GDAP2: variants seen among roughly 807,000 people sequenced by gnomAD.
GDAP2 encodes ganglioside-induced differentiation-associated protein 2.
GDAP2 carries 51 observed loss-of-function variants against 67.0 expected under a neutral mutation model. That is an observed-to-expected ratio of 0.76 (90% confidence interval 0.61 to 0.96). The LOEUF (loss-of-function observed/expected upper bound fraction) is 0.96, where lower values mean the gene tolerates loss of function less well. Ranked by LOEUF, GDAP2 falls within the 40% of genes least tolerant of loss-of-function variation. The pLI, the probability that GDAP2 is intolerant of heterozygous loss-of-function variation, is 0.00. For missense variants in GDAP2, 547 were observed against 588.3 expected, an observed-to-expected ratio of 0.93 and a Z score of 0.73; for synonymous variants, 203 against 207.3, an observed-to-expected ratio of 0.98 and a Z score of 0.18.
chr1:117,925,567 T>C (rs1234240392), intron 1 of GDAP2, among the ~76,000 whole-genome samples: 3 of 152,188 alleles, frequency 2.0e-5, no homozygotes, highest in East Asian at 1.9e-4. Flanking sequence ...ATCATACTGG[T>C]ACAATTTTGA....
intron 6 of GDAP2, among the ~76,000 whole-genome samples, chr1:117,902,870 CA>C (rs1649529023): frequency 6.6e-6 from 1 of 152,198 alleles, no homozygotes; most frequent in Non-Finnish European, 1.5e-5. Context: ...GTTATCTTAA[CA>C]ACATTAAGTC....
At chr1:117,877,478 G>A (rs1648504320) in intron 13 of GDAP2, 1 of 973,154 alleles carries the variant, frequency 1.0e-6, no homozygotes, top group African/African-American at 1.8e-5. Context: ...GAGTAGTCCT[G>A]TGACTAGTGC....
intron 1 of GDAP2, among the ~76,000 whole-genome samples, chr1:117,925,872 T>C (rs1031835001): frequency 4.6e-5 from 7 of 152,202 alleles, no homozygotes. Context: ...ATTCACTGTT[T>C]CCAACTTCCA....
chr1:117,872,878 T>C (rs1473060939), intron 13 of GDAP2, among the ~76,000 whole-genome samples: 1 of 152,138 alleles, frequency 6.6e-6, no homozygotes, highest in Admixed American at 6.6e-5. Flanking sequence ...AAGAAATACC[T>C]ATAAAAATGT....
intron 6 of GDAP2, among the ~76,000 whole-genome samples, chr1:117,903,148 C>T (rs531146629): frequency 2.0e-5 from 3 of 151,988 alleles, no homozygotes; most frequent in Non-Finnish European, 4.4e-5. Context: ...TCTATTAGTT[C>T]TAACAGTGTT....
chr1:117,914,065 G>A (rs913200923), intron 3 of GDAP2, among the ~76,000 whole-genome samples: 29 of 152,128 alleles, frequency 1.9e-4, no homozygotes, highest in African/African-American at 6.3e-4. Context: ...TTCAGCCTAG[G>A]ATACTTTGTT....
rs147942847 is a variant in GDAP2 at position 117,900,022 on chromosome 1, A to G, written c.637-806T>C. Among the ~76,000 whole-genome samples, 477 of 152,348 alleles carry G rather than the reference A, an allele frequency of 3.1e-3. 2 individuals carry two copies. Among genetic ancestry groups the G allele is most frequent in the African/African-American group, 0.011 (453 of 41,574 alleles). ...ATTGCATCATCTTTTAAATACATAT[A>G]TAAGATTGCAGACATCATCTTTATA... On this transcript the variant is annotated intron_variant, in intron 6 of 13. Transcript: ENST00000369443.
intron 1 of GDAP2, among the ~76,000 whole-genome samples, chr1:117,925,652 G>A (rs55849992): frequency 0.056 from 8,570 of 152,184 alleles, 586 homozygotes; most frequent in African/African-American, 0.16. Context: ...AGTATGGTTC[G>A]ATGTGAGAAT....
At position 117,906,491 on chromosome 1, in the gene GDAP2, CAGTT is replaced by C. The variant is rs776909118; in HGVS notation, c.636+11_636+14del. 1.5e-6 allele frequency: 2 copies of C among 1,364,540 alleles called. No individual in the cohort carries two copies. Among genetic ancestry groups the C allele is most frequent in the South Asian group, 2.4e-5 (2 of 82,024 alleles). The allele number at this position is 1,364,540 out of a possible 1,614,324, so 84.5% of individuals were successfully genotyped here. A position where few individuals can be genotyped will look rare whatever the true frequency, so the allele number is the denominator to read the frequency against. ...TAGAAATAAGATTTAAATAACGTAA[CAGTT>C]AGCAAAATACCTCTTCAAGATCAGA... is the stretch of plus-strand genomic sequence containing the variant. On this transcript the variant is annotated intron_variant, in intron 6 of 13. Transcript: ENST00000369443.
intron 1 of GDAP2, among the ~76,000 whole-genome samples, chr1:117,925,657 G>T (rs1650419134): frequency 6.6e-6 from 1 of 152,168 alleles, no homozygotes; most frequent in Non-Finnish European, 1.5e-5. Context: ...GGTTCGATGT[G>T]AGAATTTGGA....
At chr1:117,906,719 T>C (rs1299681094) in intron 5 of GDAP2, 137 bp from the exon 6 acceptor site, 2 of 573,584 alleles carry the variant, frequency 3.5e-6, no homozygotes, top group African/African-American at 1.9e-5. Flanking sequence ...TAATACCCTA[T>C]CAGTGAAGCC....
chr1:117,891,043 C>T (rs564280399), intron 8 of GDAP2, among the ~76,000 whole-genome samples: 4 of 151,478 alleles, frequency 2.6e-5, no homozygotes, highest in South Asian at 2.1e-4. Context: ...CTGGTAAGTA[C>T]GATACAAATA....
At chr1:117,921,622 G>A (rs917337297) in intron 1 of GDAP2, among the ~76,000 whole-genome samples, 4 of 152,182 alleles carry the variant, frequency 2.6e-5, no homozygotes, top group Admixed American at 6.5e-5. Flanking sequence ...TAGGTGATGA[G>A]GTTGGTAAGA....
intron 12 of GDAP2, among the ~76,000 whole-genome samples, chr1:117,878,832 CTGTT>C (rs1648555789): frequency 1.3e-5 from 2 of 152,176 alleles, no homozygotes; most frequent in African/African-American, 4.8e-5. Flanking sequence ...TTAAAAATTA[CTGTT>C]TATCTATCTA....
At position 117,909,804 on chromosome 1, in the gene GDAP2, G is replaced by C. The variant is rs146561611; in HGVS notation, c.559+2190C>G. Among the ~76,000 whole-genome samples, 8 of 152,204 alleles carry C rather than the reference G, an allele frequency of 5.3e-5. No individual in the cohort carries two copies. The East Asian group carries it at 1.2e-3, about 22-fold the overall frequency. Reference sequence around the variant, plus strand: ...CAAAGTTGACCTCTTTCATAGTACTGTATCAAGTGATTTGTCTGGGGCCAC... The same window carrying C: ...CAAAGTTGACCTCTTTCATAGTACTCTATCAAGTGATTTGTCTGGGGCCAC... On this transcript the variant is annotated intron_variant, in intron 5 of 13. Transcript: ENST00000369443.
chr1:117,875,991 T>C (rs758245601), intron 13 of GDAP2, among the ~76,000 whole-genome samples: 3 of 152,092 alleles, frequency 2.0e-5, no homozygotes, highest in Non-Finnish European at 4.4e-5. Context: ...GGTAAAACTT[T>C]TGGGGACTGC....
Position 117,881,819 on chromosome 1 carries a change from G to A in GDAP2, c.1302+4C>T. ...AGATTTAACCAAAGAGAAAAATACT[G>A]TACCTTTGAACGAAATGTGGGATGT... On this transcript the variant is annotated splice_donor_region_variant and intron_variant, in intron 12 of 13. Transcript: ENST00000369443. The A allele has an allele frequency of 6.7e-7, 1 of 1,487,700 alleles. No homozygotes were observed. The highest frequency in any genetic ancestry group is 1.4e-5 in the African/African-American group (1 of 72,568). The allele number at this position is 1,487,700 out of a possible 1,614,324, so 92.2% of individuals were successfully genotyped here.
At chr1:117,914,531 T>G (rs951207728) in intron 3 of GDAP2, among the ~76,000 whole-genome samples, 4 of 152,028 alleles carry the variant, frequency 2.6e-5, no homozygotes, top group Admixed American at 1.3e-4. Flanking sequence ...AAATTATTAA[T>G]GAAATAAAAC....
chr1:117,902,160 C>A (rs1033417243), intron 6 of GDAP2, among the ~76,000 whole-genome samples: 1 of 152,116 alleles, frequency 6.6e-6, no homozygotes, highest in African/African-American at 2.4e-5. Context: ...TTCTTTCTTT[C>A]TTTCTTTTAA....
Sources: gnomAD v4.1 joint callset for allele counts (sites outside exome capture counted in the v4.1 genomes callset) on GRCh38, gnomAD v4.1.1 for gene constraint, MANE v1.5 for transcripts, NCBI Gene and HGNC (gene_info 2026-07-23, HGNC 2026-07-21) for gene names.